NYX: variants seen among roughly 807,000 people sequenced by gnomAD.
The protein encoded by NYX is leucine-rich repeat protein.
For synonymous variants in NYX, 258 were observed against 245.7 expected, an observed-to-expected ratio of 1.05 and a Z score of -0.47; for missense variants, 481 against 485.4, an observed-to-expected ratio of 0.99 and a Z score of 0.09.
intron 2 of NYX, among the ~76,000 whole-genome samples, chrX:41,471,375 G>A (rs1455027692): frequency 4.5e-5 from 5 of 111,914 alleles, no homozygotes; most frequent in African/African-American, 1.6e-4. Flanking sequence ...GCCTCTCGAA[G>A]TGTTGGGATT....
intron 2 of NYX, among the ~76,000 whole-genome samples, chrX:41,453,797 TA>T (rs1251205954): frequency 8.9e-6 from 1 of 112,494 alleles, no homozygotes; most frequent in Non-Finnish European, 1.9e-5. Flanking sequence ...GTTGTATAGT[TA>T]TGCCACATTT....
intron 2 of NYX, 51 bp downstream of exon 2, chrX:41,447,977 A>G (rs374610423): frequency 5.2e-6 from 6 of 1,148,414 alleles, no homozygotes; most frequent in East Asian, 3.0e-5. Flanking sequence ...GGTGGAAGCC[A>G]CAGAGCTTCT....
rs1237906081 is a variant in NYX at position 41,458,579 on chromosome X, C to A, written c.22+10653C>A. ...GGTTCAAGTGATTCTCCTACCTCAG[C>A]CCCTCTCCCCCTGAGTAGCTGGGAC... On this transcript the variant is annotated intron_variant, in intron 2 of 2. Coordinates refer to ENST00000378220, the MANE Select transcript of NYX (RefSeq NM_001378477.3). 2.7e-5 allele frequency among the ~76,000 whole-genome samples: 3 copies of A among 110,174 alleles called. No homozygotes were observed. In the East Asian group the frequency reaches 8.8e-4, roughly 32 times the overall value.
chrX:41,460,622 A>G (rs2064315001), intron 2 of NYX, among the ~76,000 whole-genome samples: 1 of 111,544 alleles, frequency 9.0e-6, no homozygotes, highest in African/African-American at 3.3e-5. Context: ...TTATTTTTAC[A>G]TTCTGTATAG....
At chrX:41,465,246 A>G (rs1788401826) in intron 2 of NYX, among the ~76,000 whole-genome samples, 1 of 108,802 alleles carries the variant, frequency 9.2e-6, no homozygotes. Flanking sequence ...CATGTCTACT[A>G]GTATTTGGTT....
At chrX:41,464,924 G>A (rs756329259) in intron 2 of NYX, among the ~76,000 whole-genome samples, 1 of 110,317 alleles carries the variant, frequency 9.1e-6, no homozygotes, top group South Asian at 3.8e-4. Context: ...ATAACTACTC[G>A]CCTCTCTTCA....
intron 2 of NYX, among the ~76,000 whole-genome samples, chrX:41,457,252 G>A (rs987128296): frequency 1.2e-4 from 12 of 102,219 alleles, no homozygotes; most frequent in African/African-American, 4.0e-4. Context: ...GTTGCAGTGA[G>A]CCGAGATCGT....
At position 41,473,561 on chromosome X, in the gene NYX, C is replaced by A; in HGVS notation, c.93C>A (p.Ala31=). The A allele has an allele frequency of 3.9e-6, 4 of 1,015,262 alleles. No individual in the cohort carries two copies. The South Asian group carries it at 1.1e-4, about 28-fold the overall frequency. The allele number at this position is 1,015,262 out of a possible 1,213,427, so 83.7% of individuals were successfully genotyped here. The change falls in exon 3 of 3, where the codon GCC becomes GCA. Residue 31 remains alanine (A), a synonymous_variant. Coordinates refer to ENST00000378220, the MANE Select transcript of NYX (RefSeq NM_001378477.3). ...CCCGCGCTTGTCCCGCCGCCTGCGCCTGCAGCACCGTGGAGCGCGGCTGCT... is the reference window on the plus strand; with the variant it reads ...CCCGCGCTTGTCCCGCCGCCTGCGCATGCAGCACCGTGGAGCGCGGCTGCT... ...ACARACPAAC[A]CSTVERGCSV...
chrX:41,462,978 A>T (rs759309508), intron 2 of NYX, among the ~76,000 whole-genome samples: 1 of 108,604 alleles, frequency 9.2e-6, no homozygotes, highest in African/African-American at 3.3e-5. Context: ...TATTATTATT[A>T]TTTTTAATTT....
chrX:41,463,589 A>AT (rs2064328210), intron 2 of NYX, among the ~76,000 whole-genome samples: 1 of 110,299 alleles, frequency 9.1e-6, no homozygotes, highest in Non-Finnish European at 1.9e-5. Flanking sequence ...CACCCAGCTA[A>AT]TTTTTGTATT....
rs761572356 is a variant in NYX at position 41,474,174 on chromosome X, C to T, written c.706C>T (p.Leu236=). Residue 236 remains leucine, a synonymous_variant, in exon 3 of 3, where the codon CTG becomes TTG. Transcript: ENST00000378220. ...GGAGCATCTGCTGCTCAACGACAACCTGCTGGCCGAGCTCCCGGCCGACGC... is the reference window on the plus strand; with the variant it reads ...GGAGCATCTGCTGCTCAACGACAACTTGCTGGCCGAGCTCCCGGCCGACGC... ...VLEHLLLNDN[L]LAELPADAFR... is the part of the protein sequence containing the mutation. The T allele has an allele frequency of 1.3e-5, 15 of 1,154,331 alleles. No homozygotes were observed. The highest frequency in any genetic ancestry group is 6.9e-6 in the Non-Finnish European group (6 of 872,193).
Position 41,460,980 on chromosome X carries a change from C to CTT in NYX, c.23-12502_23-12501dup, listed in dbSNP as rs34029110. ...ATGTTGCAGGTATCAATAGTCATTC[C>CTT]TTTTTTTTTTGGCAATTTTAACATT... On this transcript the variant is annotated intron_variant, in intron 2 of 2. Coordinates refer to ENST00000378220, the MANE Select transcript of NYX (RefSeq NM_001378477.3). Among the ~76,000 whole-genome samples the CTT allele has an allele frequency of 4.9e-4, 43 of 87,530 alleles. 1 individual carries two copies. Among genetic ancestry groups the CTT allele is most frequent in the Middle Eastern group, 6.0e-3 (1 of 168 alleles). 76.0% of individuals were successfully genotyped at this position (87,530 alleles called of 115,157 possible).
At chrX:41,463,364 ATTTTTG>A (rs1237667844) in intron 2 of NYX, among the ~76,000 whole-genome samples, 2 of 109,363 alleles carry the variant, frequency 1.8e-5, no homozygotes, top group African/African-American at 6.6e-5. Flanking sequence ...ATACATTGTT[ATTTTTG>A]TTTTAAATAG....
At chrX:41,455,903 T>G (rs1219790020) in intron 2 of NYX, among the ~76,000 whole-genome samples, 1 of 111,974 alleles carries the variant, frequency 8.9e-6, no homozygotes, top group Non-Finnish European at 1.9e-5. Context: ...ATTTTTTCAT[T>G]TGGATTCAGC....
chrX:41,455,771 C>G (rs937874250), intron 2 of NYX, among the ~76,000 whole-genome samples: 2 of 111,726 alleles, frequency 1.8e-5, no homozygotes, highest in Non-Finnish European at 3.8e-5. Flanking sequence ...TTTTCACAAA[C>G]TGTAATCTTT....
chrX:41,457,655 A>G (rs1232009496), intron 2 of NYX, among the ~76,000 whole-genome samples: 1 of 111,742 alleles, frequency 8.9e-6, no homozygotes, highest in African/African-American at 3.3e-5. Context: ...ACATCACCTT[A>G]CTGACTAGTT....
In NYX at chrX:41,473,891, C is replaced by T. The variant is rs932359645; in HGVS notation, c.423C>T (p.Arg141=). Reference sequence around the variant, plus strand: ...GCCGCCTAGACCTAGCAGCCTGCCGCCTCTTCAGCGTGCCCGAGCGCCTCC... The same window carrying T: ...GCCGCCTAGACCTAGCAGCCTGCCGTCTCTTCAGCGTGCCCGAGCGCCTCC... ...RLRRLDLAAC[R]LFSVPERLLA... The change falls in exon 3 of 3, where the codon CGC becomes CGT. Residue 141 remains arginine (R), a synonymous_variant. Transcript: ENST00000378220. The T allele has an allele frequency of 1.3e-5, 15 of 1,130,141 alleles. No individual in the cohort carries two copies. Among genetic ancestry groups the T allele is most frequent in the Non-Finnish European group, 1.7e-5 (15 of 861,436 alleles). The allele number at this position is 1,130,141 out of a possible 1,213,427, so 93.1% of individuals were successfully genotyped here. A position where few individuals can be genotyped will look rare whatever the true frequency, so the allele number is the denominator to read the frequency against.
At chrX:41,448,489 G>A (rs1318718891) in intron 2 of NYX, among the ~76,000 whole-genome samples, 1 of 108,988 alleles carries the variant, frequency 9.2e-6, no homozygotes, top group Non-Finnish European at 1.9e-5. Context: ...TGATCTGCCC[G>A]CCTCGGCCTC....
In NYX at chrX:41,473,479, C is replaced by A; in HGVS notation, c.23-12C>A. On this transcript the variant is annotated splice_polypyrimidine_tract_variant and intron_variant, in intron 2 of 2. Transcript: ENST00000378220. ...TCCTCCTTCCCGACTCCCCACCACC[C>A]TGTCCCCGCAGCGGTGGTCCTCGGC... 1.0e-6 allele frequency: 1 copy of A among 972,135 alleles called. No individual in the cohort carries two copies. The highest frequency in any genetic ancestry group is 3.4e-5 in the South Asian group (1 of 29,065). The allele number at this position is 972,135 out of a possible 1,213,427, so 80.1% of individuals were successfully genotyped here.
Sources: allele counts gnomAD v4.1 joint callset (sites outside exome capture counted in the v4.1 genomes callset), GRCh38; gene constraint gnomAD v4.1.1; transcripts MANE v1.5; gene names NCBI Gene and HGNC (gene_info 2026-07-23, HGNC 2026-07-21).